Variants in GASK1A observed in about 807,000 individuals in gnomAD.
GASK1A encodes golgi associated kinase 1A.
Under a neutral mutation model 41.2 loss-of-function variants are expected in GASK1A, and 40 were observed. The ratio of observed to expected loss-of-function variants is 0.97; its 90% CI spans 0.75 to 1.27. GASK1A has a LOEUF of 1.27. Ranked by LOEUF, GASK1A falls within the 50% of genes most tolerant of loss-of-function variation. The pLI, the probability that GASK1A is intolerant of heterozygous loss-of-function variation, is 0.00. For synonymous variants in GASK1A, 316 were observed against 307.1 expected (o/e 1.03, Z -0.30); for missense variants, 678 against 745.1 (o/e 0.91, Z 1.05).
At chr3:43,022,522 A>G (rs557651759) in intron 1 of GASK1A, among the ~76,000 whole-genome samples, 1 of 151,850 alleles carries the variant, frequency 6.6e-6, no homozygotes, top group Non-Finnish European at 1.5e-5. Context: ...CAACTTGTCC[A>G]TGGCCATTTC....
Position 43,053,658 on chromosome 3 carries a change from C to T in GASK1A, c.1413+15C>T, listed in dbSNP as rs950476064. 23 of 1,551,590 alleles carry T rather than the reference C, an allele frequency of 1.5e-5. No individual in the cohort carries two copies. The highest frequency in any genetic ancestry group is 2.4e-5 in the East Asian group (1 of 40,934). ...TCCACATCCTGGTACGTCTCCTCCA[C>T]ACCATCCCCTTGTCACCCCAGACCC... is the stretch of plus-strand genomic sequence containing the variant. On this transcript the variant is annotated intron_variant, in intron 3 of 4. Transcript: ENST00000430121.
intron 2 of GASK1A, 23 bp from the exon 3 acceptor site, chr3:43,053,498 C>A (rs1394886770): frequency 2.0e-6 from 3 of 1,520,820 alleles, no homozygotes; most frequent in Non-Finnish European, 2.7e-6. Flanking sequence ...CCGCACCCCA[C>A]CGAAGGCTGG....
At chr3:43,001,257 C>T (rs946302937) in intron 1 of GASK1A, among the ~76,000 whole-genome samples, 4 of 152,120 alleles carry the variant, frequency 2.6e-5, no homozygotes, top group African/African-American at 7.2e-5. Context: ...CGTCATGACA[C>T]AAGGGAAGGA....
chr3:43,032,435 A>G lies in GASK1A; in HGVS notation c.172A>G (p.Thr58Ala), dbSNP rs2089580985. 2 of 1,551,002 alleles carry G rather than the reference A, an allele frequency of 1.3e-6. No homozygotes were observed. The highest frequency in any genetic ancestry group is 3.9e-5 in the Admixed American group (2 of 50,964). ...TCAGGGGGTAACTGGCGCCCCTGCA[A>G]CCCATATCCGGCAGGCTTTGAGCTC... ...EPQGVTGAPA[T>A]HIRQALSSSR... is the part of the protein sequence containing the mutation. The change falls in exon 2 of 5, where the codon ACC becomes GCC. Residue 58 changes from threonine to alanine, a missense_variant. Coordinates refer to ENST00000430121, the MANE Select transcript of GASK1A (RefSeq NM_001129908.3).
intron 1 of GASK1A, among the ~76,000 whole-genome samples, chr3:42,980,808 TG>T (rs2089279112): frequency 1.3e-5 from 2 of 152,008 alleles, no homozygotes; most frequent in Non-Finnish European, 2.9e-5. Flanking sequence ...AAGGAAATAG[TG>T]GAATCTTAAG....
intron 2 of GASK1A, among the ~76,000 whole-genome samples, chr3:43,052,374 C>T (rs922555586): frequency 6.6e-6 from 1 of 152,202 alleles, no homozygotes; most frequent in Non-Finnish European, 1.5e-5. Flanking sequence ...TTCACCTTCT[C>T]TATTCCTCTG....
chr3:43,051,167 T>C (rs1271755838), intron 2 of GASK1A, among the ~76,000 whole-genome samples: 1 of 152,220 alleles, frequency 6.6e-6, no homozygotes, highest in African/African-American at 2.4e-5. Flanking sequence ...ATTTTTGTCA[T>C]TGCTGTTTGT....
chr3:43,046,461 C>T (rs1575451692), intron 2 of GASK1A, among the ~76,000 whole-genome samples: 1 of 152,118 alleles, frequency 6.6e-6, no homozygotes, highest in African/African-American at 2.4e-5. Flanking sequence ...AAGATGTGAC[C>T]TAGATACTCT....
intron 3 of GASK1A, among the ~76,000 whole-genome samples, chr3:43,054,642 C>T (rs755591150): frequency 1.3e-5 from 2 of 152,144 alleles, no homozygotes; most frequent in South Asian, 2.1e-4. Context: ...GGGAAATGCC[C>T]ATGGACTTTT....
chr3:43,015,049 C>A (rs1051201691), intron 1 of GASK1A, among the ~76,000 whole-genome samples: 1 of 150,780 alleles, frequency 6.6e-6, no homozygotes, highest in Non-Finnish European at 1.5e-5. Context: ...GGTGAAGTCA[C>A]AGGAAGTGGC....
intron 1 of GASK1A, 141 bp from the exon 2 acceptor site, chr3:43,032,126 C>G: frequency 1.5e-6 from 1 of 648,230 alleles, no homozygotes; most frequent in Non-Finnish European, 2.5e-6. Context: ...TGAAGGCAGC[C>G]AGCTGTCCCT....
intron 2 of GASK1A, among the ~76,000 whole-genome samples, chr3:43,033,762 G>C (rs1296778661): frequency 1.3e-5 from 2 of 152,166 alleles, no homozygotes; most frequent in African/African-American, 4.8e-5. Context: ...AAGAGCTGAT[G>C]GCTATAATTT....
chr3:43,050,014 G>GT (rs36083372), intron 2 of GASK1A, among the ~76,000 whole-genome samples: 118 of 145,240 alleles, frequency 8.1e-4, no homozygotes, highest in East Asian at 1.6e-3. Flanking sequence ...GCTTTCAGCA[G>GT]TTTTTTTTTT....
chr3:43,033,128 G>A lies in GASK1A; in HGVS notation c.865G>A (p.Val289Met), dbSNP rs57546482. 27 of 1,550,912 alleles carry A rather than the reference G, an allele frequency of 1.7e-5. No homozygotes were observed. Among genetic ancestry groups the A allele is most frequent in the Non-Finnish European group, 2.2e-5 (25 of 1,146,534 alleles). The change falls in exon 2 of 5, where the codon GTG (valine) becomes ATG (methionine). Residue 289 changes from valine (V) to methionine (M), a missense_variant. Val to Met is a conservative substitution (Grantham distance 21). Transcript: ENST00000430121. ...DKARVPAHGQ[V>M]LQVGFSTEAA... ...AGCCAGGGTCCCCGCCCATGGGCAG[G>A]TGCTACAGGTTGGCTTCTCCACTGA...
intron 1 of GASK1A, among the ~76,000 whole-genome samples, chr3:43,030,168 G>A (rs1412150807): frequency 6.6e-6 from 1 of 152,198 alleles, no homozygotes; most frequent in Admixed American, 6.5e-5. Context: ...ACCACGCCCA[G>A]CTACTTTTTT....
At chr3:43,012,192 G>C (rs2125679877) in intron 1 of GASK1A, among the ~76,000 whole-genome samples, 1 of 151,906 alleles carries the variant, frequency 6.6e-6, no homozygotes, top group East Asian at 2.0e-4. Flanking sequence ...CACAGGAAGA[G>C]GCTGTGGGAA....
chr3:43,044,116 G>A lies in GASK1A; in HGVS notation c.1291-9405G>A, dbSNP rs183203064. On this transcript the variant is annotated intron_variant, in intron 2 of 4. Coordinates refer to ENST00000430121, the MANE Select transcript of GASK1A (RefSeq NM_001129908.3). ...AATCTGCACAGAATGGCCTTGAGAC[G>A]GGAGCAGGGAGGGTTTGGTGGGAGC... 6.0e-4 allele frequency among the ~76,000 whole-genome samples: 91 copies of A among 152,326 alleles called. No individual in the cohort carries two copies. The East Asian group carries it at 0.014, about 24-fold the overall frequency.
intron 1 of GASK1A, among the ~76,000 whole-genome samples, chr3:43,014,455 G>C (rs1033423716): frequency 2.6e-5 from 4 of 151,958 alleles, no homozygotes; most frequent in Admixed American, 6.6e-5. Flanking sequence ...GACGTCACAG[G>C]AAGAGGCAGT....
Position 43,032,998 on chromosome 3 carries a change from G to T in GASK1A, c.735G>T (p.Glu245Asp). 1 of 1,551,722 alleles carries T rather than the reference G, an allele frequency of 6.4e-7. No individual in the cohort carries two copies. Residue 245 changes from glutamate to aspartate, a missense_variant, in exon 2 of 5, where the codon GAG becomes GAT. Physicochemically the swap from Glu to Asp is conservative, Grantham distance 45. Transcript: ENST00000430121. Reference protein sequence around the residue: ...KLQGSVWCDAETLLSSSRTGG... With the variant: ...KLQGSVWCDADTLLSSSRTGG... ...AAGGGTCAGTATGGTGTGATGCTGAGACGCTGTTGAGCAGCTCGAGGACTG... is the reference window on the plus strand; with the variant it reads ...AAGGGTCAGTATGGTGTGATGCTGATACGCTGTTGAGCAGCTCGAGGACTG...
Sources: allele counts gnomAD v4.1 joint callset (sites outside exome capture counted in the v4.1 genomes callset), GRCh38; gene constraint gnomAD v4.1.1; transcripts MANE v1.5; gene names NCBI Gene and HGNC (gene_info 2026-07-23, HGNC 2026-07-21).